Variants in EXD1 observed in about 807,000 individuals in gnomAD.
The protein encoded by EXD1 is piRNA biogenesis protein EXD1.
A neutral mutation model predicts 49.1 loss-of-function variants in EXD1; 63 were observed. The observed-to-expected ratio is 1.28, with a 90% CI of 1.05 to 1.58. The LOEUF is 1.58. Among genes scored for constraint, EXD1 ranks in the 40% most tolerant of loss-of-function variants. The pLI is 0.00. For synonymous variants in EXD1, 234 were observed against 239.2 expected (o/e 0.98, Z 0.20); for missense variants, 748 against 666.0 (o/e 1.12, Z -1.36).
intron 7 of EXD1, among the ~76,000 whole-genome samples, chr15:41,202,367 G>A (rs1292023665): frequency 6.6e-6 from 1 of 151,610 alleles, no homozygotes. Context: ...AGTAGAAACA[G>A]GGTTTTGCCA....
intron 2 of EXD1, 96 bp from the exon 3 acceptor site, chr15:41,219,994 A>AT: frequency 3.6e-6 from 3 of 828,446 alleles, no homozygotes; most frequent in Non-Finnish European, 5.4e-6. Flanking sequence ...TCTGAGTTGT[A>AT]TTTAAAAAAA....
intron 11 of EXD1, among the ~76,000 whole-genome samples, chr15:41,187,447 G>C (rs1405966187): frequency 6.6e-6 from 1 of 152,136 alleles, no homozygotes; most frequent in African/African-American, 2.4e-5. Context: ...TGAGCATTAT[G>C]GGTTTTGGTA....
chr15:41,221,766 A>G (rs1238167063), intron 2 of EXD1, among the ~76,000 whole-genome samples: 1 of 151,764 alleles, frequency 6.6e-6, no homozygotes, highest in Non-Finnish European at 1.5e-5. Flanking sequence ...TTTCTCCAGC[A>G]TGGACTATTC....
intron 6 of EXD1, among the ~76,000 whole-genome samples, chr15:41,215,426 C>A (rs1322415886): frequency 6.6e-6 from 1 of 152,068 alleles, no homozygotes. Context: ...GTGGCTCATG[C>A]CTGTAATCCC....
rs750656683 is a variant in EXD1, at chr15:41,226,505, C to T, written c.71G>A (p.Cys24Tyr). The change falls in exon 2 of 12, where the codon TGT becomes TAT. Residue 24 changes from cysteine to tyrosine, a missense_variant. Transcript: ENST00000458580. ...CTGAAGCACACCCTCGAAGACACCACAGACCAATGTGAGTTTCACCCTCTT... is the reference window on the plus strand; with the variant it reads ...CTGAAGCACACCCTCGAAGACACCATAGACCAATGTGAGTTTCACCCTCTT... ...LWKRVKLTLV[C>Y]GVFEGVLQHV... 35 of 1,535,946 alleles carry T rather than the reference C, an allele frequency of 2.3e-5. No homozygotes were observed. Among genetic ancestry groups the T allele is most frequent in the Non-Finnish European group, 1.7e-6 (2 of 1,146,926 alleles).
intron 6 of EXD1, among the ~76,000 whole-genome samples, chr15:41,211,634 G>A (rs1374450963): frequency 1.3e-5 from 2 of 151,880 alleles, no homozygotes; most frequent in Non-Finnish European, 2.9e-5. Flanking sequence ...ACCAGCCAGG[G>A]CAACATAGTG....
rs1470395869 is a variant in EXD1, at chr15:41,191,502, T to G, written c.804A>C (p.Lys268Asn). The G allele has an allele frequency of 6.2e-7, 1 of 1,613,682 alleles. No homozygotes were observed. Among genetic ancestry groups the G allele is most frequent in the African/African-American group, 1.3e-5 (1 of 74,896 alleles). The change falls in exon 10 of 12, where the codon AAA becomes AAC. Residue 268 changes from lysine (K) to asparagine (N), a missense_variant. Lys to Asn is a moderately conservative substitution (Grantham distance 94). Coordinates refer to ENST00000458580, the MANE Select transcript of EXD1 (RefSeq NM_001286441.2). Reference protein sequence around the residue: ...CITTLQESLIKHLQVAPKYLS... With the variant: ...CITTLQESLINHLQVAPKYLS... ...GATATTTAGGGGCTACTTGAAGGTG[T>G]TTGATTAAACTCTCCTGCAAAGTAG...
At position 41,190,136 on chromosome 15, in the gene EXD1, C is replaced by G; in HGVS notation, c.865-8G>C. ...CCATACTTCTGGATTTTCCTGGAGA[C>G]AATAAAACAATTTCCTCTGAACAGT... is the stretch of plus-strand genomic sequence containing the variant. On this transcript the variant is annotated splice_region_variant and splice_polypyrimidine_tract_variant and intron_variant, in intron 10 of 11. Transcript: ENST00000458580. 1 of 1,613,770 alleles carries G rather than the reference C, an allele frequency of 6.2e-7. No individual in the cohort carries two copies. Among genetic ancestry groups the G allele is most frequent in the Non-Finnish European group, 8.5e-7 (1 of 1,179,834 alleles).
At position 41,216,915 on chromosome 15, in the gene EXD1, A is replaced by C. The variant is rs2047008747; in HGVS notation, c.261-120T>G. On this transcript the variant is annotated intron_variant, in intron 4 of 11. Transcript: ENST00000458580. ...CCTTCATTAACTAGAGGACCCATTC[A>C]TCCACTGCTTACATTGACTTGAGGG... is the stretch of plus-strand genomic sequence containing the variant. 1.3e-5 allele frequency: 19 copies of C among 1,448,052 alleles called. No individual in the cohort carries two copies. In the South Asian group the frequency reaches 2.0e-4, roughly 15 times the overall value. The allele number at this position is 1,448,052 out of a possible 1,614,324, so 89.7% of individuals were successfully genotyped here. A position where few individuals can be genotyped will look rare whatever the true frequency, so the allele number is the denominator to read the frequency against.
chr15:41,187,342 G>A (rs1260376188), intron 11 of EXD1, among the ~76,000 whole-genome samples: 1 of 151,902 alleles, frequency 6.6e-6, no homozygotes, highest in African/African-American at 2.4e-5. Context: ...CACCCACCTT[G>A]GCCTCCCAAA....
Position 41,185,081 on chromosome 15 carries a change from A to G in EXD1, c.1057-488T>C, listed in dbSNP as rs575705621. Among the ~76,000 whole-genome samples the G allele has an allele frequency of 2.0e-5, 3 of 152,292 alleles. No individual in the cohort carries two copies. The South Asian group carries it at 6.2e-4, about 32-fold the overall frequency. On this transcript the variant is annotated intron_variant, in intron 11 of 11. Coordinates refer to ENST00000458580, the MANE Select transcript of EXD1 (RefSeq NM_001286441.2). ...TTTTTCTAGTAATTTCAATATTTTGAAAAGGCAGTGAATCCATAGGGCTGT... is the reference window on the plus strand; with the variant it reads ...TTTTTCTAGTAATTTCAATATTTTGGAAAGGCAGTGAATCCATAGGGCTGT...
chr15:41,206,824 G>T (rs1317802279), intron 7 of EXD1, among the ~76,000 whole-genome samples: 1 of 134,698 alleles, frequency 7.4e-6, no homozygotes, highest in African/African-American at 2.8e-5. Flanking sequence ...GTTTCACCAC[G>T]TTGGCCAGGC....
In EXD1 at chr15:41,195,955, A is replaced by G; in HGVS notation, c.617T>C (p.Leu206Pro). 6.2e-7 allele frequency: 1 copy of G among 1,612,060 alleles called. No homozygotes were observed. Among genetic ancestry groups the G allele is most frequent in the South Asian group, 1.1e-5 (1 of 90,842 alleles). The change falls in exon 8 of 12, where the codon CTA becomes CCA. Residue 206 changes from leucine (L) to proline (P), a missense_variant. By Grantham distance (98) the Leu-to-Pro change is moderately conservative. Transcript: ENST00000458580. ...TACCTTCAAAATTCTCTTGTCTTCT[A>G]GTATCATCTGAAGTCCATTGTGGAA... ...RAFHNGLQMILEDKRILKVIH... is the reference protein window; with the variant it reads ...RAFHNGLQMIPEDKRILKVIH...
rs752527598 is a variant in EXD1, at chr15:41,216,737, C to T, written c.319G>A (p.Glu107Lys). 9.9e-6 allele frequency: 16 copies of T among 1,613,778 alleles called. No homozygotes were observed. In the African/African-American group the frequency reaches 1.3e-4, roughly 13 times the overall value. ...KMKVEDLNVC[E>K]PASPAPEAPA... ...GCTTCAGGGGCAGGAGAAGCAGGCT[C>T]ACATACATTTAGGTCTTCAACTTTC... The change falls in exon 5 of 12, where the codon GAG becomes AAG. Residue 107 changes from glutamate (E) to lysine (K), a missense_variant. Coordinates refer to ENST00000458580, the MANE Select transcript of EXD1 (RefSeq NM_001286441.2).
intron 11 of EXD1, among the ~76,000 whole-genome samples, chr15:41,187,238 C>T (rs1443775446): frequency 6.6e-6 from 1 of 151,758 alleles, no homozygotes; most frequent in Non-Finnish European, 1.5e-5. Context: ...TACAGGCATG[C>T]ACCACCATGC....
intron 5 of EXD1, 133 bp downstream of exon 5, chr15:41,216,535 G>A: frequency 1.1e-6 from 1 of 885,496 alleles, no homozygotes; most frequent in East Asian, 2.7e-5. Flanking sequence ...GGAGGCAGAG[G>A]CAGGATAATT....
chr15:41,209,987 C>T (rs2046896600), intron 6 of EXD1, among the ~76,000 whole-genome samples: 1 of 152,138 alleles, frequency 6.6e-6, no homozygotes, highest in Non-Finnish European at 1.5e-5. Flanking sequence ...GACTTGCAAC[C>T]TCCACCTCTC....
At chr15:41,218,304 G>C (rs1348639704) in intron 3 of EXD1, among the ~76,000 whole-genome samples, 2 of 151,986 alleles carry the variant, frequency 1.3e-5, no homozygotes, top group African/African-American at 4.8e-5. Flanking sequence ...AGACAACATG[G>C]TGAAACCCCG....
chr15:41,223,514 A>G (rs972317715), intron 2 of EXD1, among the ~76,000 whole-genome samples: 1 of 152,022 alleles, frequency 6.6e-6, no homozygotes, highest in Non-Finnish European at 1.5e-5. Flanking sequence ...TGAGCCCAGA[A>G]GCTGGAGACA....
Sources: gnomAD v4.1 joint callset for allele counts (sites outside exome capture counted in the v4.1 genomes callset) on GRCh38, gnomAD v4.1.1 for gene constraint, MANE v1.5 for transcripts, NCBI Gene and HGNC (gene_info 2026-07-23, HGNC 2026-07-21) for gene names.